The following NCAPH variants were observed in gnomAD, a reference collection of about 807,000 sequenced individuals.
The protein encoded by NCAPH is condensin complex subunit 2.
A neutral mutation model predicts 85.5 loss-of-function variants in NCAPH; 38 were observed. That is an observed-to-expected ratio of 0.44 (90% CI 0.34 to 0.58). The LOEUF (loss-of-function observed/expected upper bound fraction) is 0.58. Ranked by LOEUF, NCAPH falls within the 20% of genes least tolerant of loss-of-function variation. The probability of loss-of-function intolerance (pLI) is 0.01; values close to 1 mark genes in which losing one functional copy is unlikely to be tolerated. For synonymous variants in NCAPH, 301 were observed against 335.1 expected, an observed-to-expected ratio of 0.90 and a Z score of 1.11; for missense variants, 789 against 916.6, an observed-to-expected ratio of 0.86 and a Z score of 1.80.
In NCAPH at chr2:96,342,746, C is replaced by G; in HGVS notation, c.364-10C>G. ...AAATAACAATCCTTTCTGCAATTTT[C>G]TGTTTTCAGAAAATCACTACCAAGA... On this transcript the variant is annotated splice_polypyrimidine_tract_variant and intron_variant, in intron 3 of 17. Transcript: ENST00000240423. 1 of 1,604,204 alleles carries G rather than the reference C, an allele frequency of 6.2e-7. No homozygotes were observed. Among genetic ancestry groups the G allele is most frequent in the Non-Finnish European group, 8.5e-7 (1 of 1,172,322 alleles).
intron 10 of NCAPH, among the ~76,000 whole-genome samples, 155 bp from the exon 11 acceptor site, chr2:96,359,988 G>T: frequency 6.6e-6 from 1 of 152,174 alleles, no homozygotes; most frequent in East Asian, 1.9e-4. Context: ...TGAAAAGAGG[G>T]TGTGTGATTG....
intron 6 of NCAPH, among the ~76,000 whole-genome samples, chr2:96,347,041 G>A (rs1193033206): frequency 6.6e-6 from 1 of 152,152 alleles, no homozygotes; most frequent in Non-Finnish European, 1.5e-5. Context: ...TTGTGACCTG[G>A]GGATTGGAAG....
rs79480999 is a variant in NCAPH at position 96,373,448 on chromosome 2, C to A, written c.*97C>A. On this transcript the variant is annotated 3_prime_UTR_variant, in exon 18 of 18. Coordinates refer to ENST00000240423, the MANE Select transcript of NCAPH (RefSeq NM_015341.5). ...GGAAGAAGATGCCATGGGCTTATAC[C>A]CAGGCTGTAGCCAACTACCAACGTG... 1.7e-3 allele frequency: 2,077 copies of A among 1,209,848 alleles called. 27 individuals are homozygous for A. In the African/African-American group the frequency reaches 0.028, roughly 16 times the overall value. The allele number at this position is 1,209,848 out of a possible 1,614,324, so 74.9% of individuals were successfully genotyped here.
intron 7 of NCAPH, among the ~76,000 whole-genome samples, chr2:96,352,312 C>A (rs2064456077): frequency 6.6e-6 from 1 of 152,112 alleles, no homozygotes; most frequent in Non-Finnish European, 1.5e-5. Context: ...ATTTGGGAGA[C>A]CTGGGTTCCT....
intron 12 of NCAPH, among the ~76,000 whole-genome samples, chr2:96,361,824 ATATATT>A (rs1484628598): frequency 4.2e-5 from 5 of 120,262 alleles, no homozygotes; most frequent in East Asian, 2.3e-4. Context: ...ATATATATAT[ATATATT>A]TTTTTTTTTT....
intron 12 of NCAPH, 103 bp downstream of exon 12, chr2:96,360,813 G>A (rs2064596683): frequency 1.4e-6 from 2 of 1,443,816 alleles, no homozygotes; most frequent in South Asian, 2.6e-5. Flanking sequence ...GTGAGGAGTG[G>A]TATGTGTTAG....
At chr2:96,361,428 C>T (rs2104476744) in intron 12 of NCAPH, among the ~76,000 whole-genome samples, 1 of 151,996 alleles carries the variant, frequency 6.6e-6, no homozygotes, top group South Asian at 2.1e-4. Flanking sequence ...ACTCATGATC[C>T]AAGTCGAAGC....
At chr2:96,351,068 C>G (rs1017975837) in intron 6 of NCAPH, among the ~76,000 whole-genome samples, 1 of 152,194 alleles carries the variant, frequency 6.6e-6, no homozygotes, top group Non-Finnish European at 1.5e-5. Flanking sequence ...GCCAGCTAGC[C>G]CTACTGACTC....
chr2:96,354,043 G>T, intron 8 of NCAPH, 140 bp from the exon 9 acceptor site: 2 of 786,834 alleles, frequency 2.5e-6, no homozygotes, highest in Non-Finnish European at 4.3e-6. Flanking sequence ...CAGGCAGGCA[G>T]GGGATGGGAA....
Position 96,341,900 on chromosome 2 carries a change from G to A in NCAPH, c.272+6G>A. 1 of 1,607,648 alleles carries A rather than the reference G, an allele frequency of 6.2e-7. No individual in the cohort carries two copies. Among genetic ancestry groups the A allele is most frequent in the Non-Finnish European group, 8.5e-7 (1 of 1,177,972 alleles). On this transcript the variant is annotated splice_donor_region_variant and intron_variant, in intron 2 of 17. Coordinates refer to ENST00000240423, the MANE Select transcript of NCAPH (RefSeq NM_015341.5). ...TTGGCCTCCCCCTCCAGCAGGTGAG[G>A]TGCTCCTGGGCTGTTTCTCCTTGAG...
intron 9 of NCAPH, among the ~76,000 whole-genome samples, chr2:96,358,759 C>T (rs981865047): frequency 2.7e-4 from 41 of 152,308 alleles, no homozygotes; most frequent in Admixed American, 1.8e-3. Context: ...TGAGCCACCG[C>T]GCCCAGCCAA....
At position 96,359,149 on chromosome 2, in the gene NCAPH, T is replaced by C. The variant is rs1169399668; in HGVS notation, c.1313T>C (p.Met438Thr). Residue 438 changes from methionine to threonine, a missense_variant, in exon 10 of 18, where the codon ATG becomes ACG. By Grantham distance (81) the Met-to-Thr change is moderately conservative. Transcript: ENST00000240423. ...TATTTCAGTCCTCGGACCATGTCGA[T>C]GTGGGCTGGCCCGGATCACTGGCGC... ...YSYFSPRTMS[M>T]WAGPDHWRFR... 2 of 1,614,248 alleles carry C rather than the reference T, an allele frequency of 1.2e-6. No homozygotes were observed. Among genetic ancestry groups the C allele is most frequent in the South Asian group, 1.1e-5 (1 of 91,088 alleles).
At chr2:96,355,934 A>G (rs1041792874) in intron 9 of NCAPH, among the ~76,000 whole-genome samples, 3 of 152,100 alleles carry the variant, frequency 2.0e-5, no homozygotes, top group Admixed American at 2.0e-4. Context: ...GCGCCTGGCC[A>G]TCCTGTCTTC....
At chr2:96,362,529 G>A (rs941499361) in intron 12 of NCAPH, among the ~76,000 whole-genome samples, 1 of 151,956 alleles carries the variant, frequency 6.6e-6, no homozygotes, top group African/African-American at 2.4e-5. Context: ...ACTCAGGAGG[G>A]TGAGGCACGA....
intron 6 of NCAPH, among the ~76,000 whole-genome samples, chr2:96,349,302 A>G (rs2064404695): frequency 6.6e-6 from 1 of 152,204 alleles, no homozygotes; most frequent in Non-Finnish European, 1.5e-5. Flanking sequence ...GTAATCATCA[A>G]GAGTATGGAA....
chr2:96,364,694 T>C (rs1426615357), intron 13 of NCAPH, 103 bp downstream of exon 13: 1 of 804,356 alleles, frequency 1.2e-6, no homozygotes, highest in Admixed American at 2.4e-5. Flanking sequence ...GTTGGCAATT[T>C]TGAATCCAGT....
At chr2:96,337,852 A>G (rs1195791708) in intron 1 of NCAPH, among the ~76,000 whole-genome samples, 2 of 151,902 alleles carry the variant, frequency 1.3e-5, no homozygotes, top group Non-Finnish European at 2.9e-5. Context: ...GGAACCACAG[A>G]TGCCTGGCAA....
In NCAPH at chr2:96,373,576, A is replaced by G; in HGVS notation, c.*225A>G. On this transcript the variant is annotated 3_prime_UTR_variant, in exon 18 of 18. Transcript: ENST00000240423. Reference sequence around the variant, plus strand: ...TAAACTTTACTGCCCTATGGTGACCATCTAGGAGAGGGGAGGGCAGAGGGG... The same window carrying G: ...TAAACTTTACTGCCCTATGGTGACCGTCTAGGAGAGGGGAGGGCAGAGGGG... The G allele has an allele frequency of 4.4e-6, 2 of 454,598 alleles. No homozygotes were observed. Among genetic ancestry groups the G allele is most frequent in the Non-Finnish European group, 7.9e-6 (2 of 253,474 alleles). 28.2% of individuals were successfully genotyped at this position (454,598 alleles called of 1,614,324 possible). A position where few individuals can be genotyped will look rare whatever the true frequency, so the allele number is the denominator to read the frequency against.
At chr2:96,362,401 G>C (rs1373540896) in intron 12 of NCAPH, among the ~76,000 whole-genome samples, 2 of 152,138 alleles carry the variant, frequency 1.3e-5, no homozygotes, top group African/African-American at 4.8e-5. Context: ...AGGCCGAGGT[G>C]GGTGGATCGC....
Sources: allele counts gnomAD v4.1 joint callset (sites outside exome capture counted in the v4.1 genomes callset), GRCh38; gene constraint gnomAD v4.1.1; transcripts MANE v1.5; gene names NCBI Gene and HGNC (gene_info 2026-07-23, HGNC 2026-07-21).